The following MKNK2 variants were observed in gnomAD, a reference collection of about 807,000 sequenced individuals.
MKNK2 encodes the protein MAPK interacting serine/threonine kinase 2.
MKNK2 carries 54 observed loss-of-function variants against 55.0 expected under a neutral mutation model. The ratio of observed to expected loss-of-function variants is 0.98; its 90% CI spans 0.79 to 1.23. The LOEUF is 1.23. Among genes scored for constraint, MKNK2 ranks in the 50% most tolerant of loss-of-function variants. The probability of loss-of-function intolerance (pLI) is 0.00; values close to 1 mark genes in which losing one functional copy is unlikely to be tolerated. For synonymous variants in MKNK2, 323 were observed against 256.0 expected, an observed-to-expected ratio of 1.26 and a Z score of -2.50; for missense variants, 685 against 632.1, an observed-to-expected ratio of 1.08 and a Z score of -0.90.
chr19:2,044,695 G>T (rs2016961480), intron 5 of MKNK2, among the ~76,000 whole-genome samples: 1 of 152,238 alleles, frequency 6.6e-6, no homozygotes, highest in African/African-American at 2.4e-5. Flanking sequence ...CCAGCGAGGG[G>T]CAAGAGAACA....
In MKNK2 at chr19:2,039,675, G is replaced by T. The variant is rs1194881036; in HGVS notation, c.1336C>A (p.Gln446Lys). ...GACAGACTGGCCCTTTGCCGCCGCT[G>T]CGCCAGCTTGGACTGGGAGGGTGGA... Reference protein sequence around the residue: ...LSPPSQSKLAQRRQRASLSSA... With the variant: ...LSPPSQSKLAKRRQRASLSSA... Residue 446 changes from glutamine (Q) to lysine (K), a missense_variant, in exon 14 of 14, where the codon CAG (glutamine) becomes AAG (lysine). Physicochemically the swap from Gln to Lys is moderately conservative, Grantham distance 53. Coordinates refer to ENST00000250896, the MANE Select transcript of MKNK2 (RefSeq NM_199054.3). 6.2e-7 allele frequency: 1 copy of T among 1,613,144 alleles called. No homozygotes were observed. Among genetic ancestry groups the T allele is most frequent in the African/African-American group, 1.3e-5 (1 of 74,944 alleles).
At chr19:2,047,367 C>T (rs1377115118) in intron 2 of MKNK2, among the ~76,000 whole-genome samples, 1 of 152,190 alleles carries the variant, frequency 6.6e-6, no homozygotes, top group Non-Finnish European at 1.5e-5. Context: ...TGGGGAAGAC[C>T]TCCTCCCACC....
At chr19:2,043,256 G>T in intron 6 of MKNK2, 59 bp from the exon 7 acceptor site, 1 of 1,424,210 alleles carries the variant, frequency 7.0e-7, no homozygotes, top group Non-Finnish European at 9.9e-7. Context: ...CTGGGTACCT[G>T]CTGCCCGGCC....
At chr19:2,045,680 G>A (rs528804698) in intron 5 of MKNK2, among the ~76,000 whole-genome samples, 4 of 152,270 alleles carry the variant, frequency 2.6e-5, no homozygotes, top group South Asian at 4.1e-4. Context: ...GCCAGGTCAC[G>A]AGGGAAGCCT....
Position 2,042,628 on chromosome 19 carries a change from G to A in MKNK2, c.633C>T (p.Ile211=), listed in dbSNP as rs1188067643. The part of the protein sequence containing the change: ...IAHRDLKPEN[I]LCEHPNQVSP... Reference sequence around the variant, plus strand: ...CTACCTGGTTGGGGTGCTCACAGAGGATGTTTTCCGGCTTTAGGTCCCTGT... The same window carrying A: ...CTACCTGGTTGGGGTGCTCACAGAGAATGTTTTCCGGCTTTAGGTCCCTGT... The change falls in exon 9 of 14, where the codon ATC becomes ATT. Residue 211 remains isoleucine (I), a synonymous_variant. Coordinates refer to ENST00000250896, the MANE Select transcript of MKNK2 (RefSeq NM_199054.3). 7 of 1,564,802 alleles carry A rather than the reference G, an allele frequency of 4.5e-6. No homozygotes were observed. Among genetic ancestry groups the A allele is most frequent in the African/African-American group, 1.3e-5 (1 of 74,216 alleles).
Position 2,039,037 on chromosome 19 carries a change from GCTGCCTGCCACCTGC to G in MKNK2, c.*561_*575del. ...GGGATCCCATGGGGTGGGTGGGTGA[GCTGCCTGCCACCTGC>G]CTGCCTGACACCTCCAGAGACAGGC... On this transcript the variant is annotated 3_prime_UTR_variant, in exon 14 of 14. Transcript: ENST00000250896. 7 of 986,422 alleles carry G rather than the reference GCTGCCTGCCACCTGC, an allele frequency of 7.1e-6. No individual in the cohort carries two copies. Among genetic ancestry groups the G allele is most frequent in the Non-Finnish European group, 8.4e-6 (7 of 830,366 alleles). The allele number at this position is 986,422 out of a possible 1,614,324, so 61.1% of individuals were successfully genotyped here.
chr19:2,046,775 C>T (rs1219254475), intron 2 of MKNK2, 84 bp from the exon 3 acceptor site: 9 of 1,115,952 alleles, frequency 8.1e-6, no homozygotes, highest in African/African-American at 7.9e-5. Context: ...AGTGTCGCAG[C>T]GTCCACACTG....
intron 2 of MKNK2, 89 bp downstream of exon 2, chr19:2,050,712 G>C: frequency 7.8e-7 from 1 of 1,280,986 alleles, no homozygotes; most frequent in South Asian, 1.3e-5. Context: ...AGCCCCGGGA[G>C]CCGATCTTAG....
At position 2,037,872 on chromosome 19, in the gene MKNK2, C is replaced by G. The variant is rs765371228; in HGVS notation, c.*1741G>C. 1.3e-6 allele frequency: 2 copies of G among 1,545,512 alleles called. No homozygotes were observed. The highest frequency in any genetic ancestry group is 2.8e-5 in the African/African-American group (2 of 72,598). ...AAAACAAACAAACAAACGCTGCTAG[C>G]CACTCAGCTTTAGAGACCCGATGGC... is the stretch of plus-strand genomic sequence containing the variant. On this transcript the variant is annotated 3_prime_UTR_variant, in exon 14 of 14. Coordinates refer to ENST00000250896, the MANE Select transcript of MKNK2 (RefSeq NM_199054.3).
intron 11 of MKNK2, among the ~76,000 whole-genome samples, chr19:2,041,443 A>C (rs1394055249): frequency 6.6e-6 from 1 of 152,098 alleles, no homozygotes; most frequent in Non-Finnish European, 1.5e-5. Context: ...ACAGATGCTG[A>C]GCCTTAAGCC....
chr19:2,042,167 C>A, intron 10 of MKNK2, 133 bp from the exon 11 acceptor site: 1 of 886,886 alleles, frequency 1.1e-6, no homozygotes, highest in Non-Finnish European at 1.6e-6. Context: ...CAGCGGCTGC[C>A]GGGAACGCGC....
chr19:2,041,219 C>T lies in MKNK2; in HGVS notation c.946-15G>A, dbSNP rs764169797. 7.5e-6 allele frequency: 12 copies of T among 1,605,478 alleles called. No homozygotes were observed. The highest frequency in any genetic ancestry group is 1.7e-5 in the Admixed American group (1 of 59,668). On this transcript the variant is annotated splice_polypyrimidine_tract_variant and intron_variant, in intron 11 of 13. Coordinates refer to ENST00000250896, the MANE Select transcript of MKNK2 (RefSeq NM_199054.3). ...AACAGCATGTTCTGGGGACATAGAA[C>T]ACAGGGGAGCTTAGACCTGCCCAAG...
chr19:2,042,732 G>GA, intron 8 of MKNK2, 34 bp downstream of exon 8: 1 of 1,550,066 alleles, frequency 6.5e-7, no homozygotes, highest in South Asian at 1.2e-5. Flanking sequence ...TTGGCAGGCG[G>GA]CCCTAGGAGA....
At chr19:2,045,111 AGTGG>A (rs2016969692) in intron 5 of MKNK2, among the ~76,000 whole-genome samples, 1 of 152,124 alleles carries the variant, frequency 6.6e-6, no homozygotes, top group Non-Finnish European at 1.5e-5. Flanking sequence ...CCCGGACGTC[AGTGG>A]CCAACAACAC....
Position 2,039,413 on chromosome 19 carries a change from T to C in MKNK2, c.*200A>G. The C allele has an allele frequency of 1.4e-6, 2 of 1,391,372 alleles. No individual in the cohort carries two copies. Among genetic ancestry groups the C allele is most frequent in the Non-Finnish European group, 1.9e-6 (2 of 1,075,958 alleles). The allele number at this position is 1,391,372 out of a possible 1,614,324, so 86.2% of individuals were successfully genotyped here. A position where few individuals can be genotyped will look rare whatever the true frequency, so the allele number is the denominator to read the frequency against. On this transcript the variant is annotated 3_prime_UTR_variant, in exon 14 of 14. Transcript: ENST00000250896. ...GCTTTTAACCATCCAAAGGAAAAAA[T>C]AACGGGGAGGGGTGGAAACAGGAAA... is the stretch of plus-strand genomic sequence containing the variant.
chr19:2,042,152 C>G, intron 10 of MKNK2, 118 bp from the exon 11 acceptor site: 1 of 1,031,776 alleles, frequency 9.7e-7, no homozygotes, highest in Non-Finnish European at 1.3e-6. Context: ...CCGGGCCCGA[C>G]CAATCAGCGG....
Position 2,041,850 on chromosome 19 carries a change from G to A in MKNK2, c.935C>T (p.Pro312Leu). 3.3e-6 allele frequency: 5 copies of A among 1,530,624 alleles called. No individual in the cohort carries two copies. Among genetic ancestry groups the A allele is most frequent in the Admixed American group, 2.1e-5 (1 of 48,770 alleles). 94.8% of individuals were successfully genotyped at this position (1,530,624 alleles called of 1,614,324 possible). A position where few individuals can be genotyped will look rare whatever the true frequency, so the allele number is the denominator to read the frequency against. Residue 312 changes from proline (P) to leucine (L), a missense_variant, in exon 11 of 14, where the codon CCT becomes CTT. Physicochemically the swap from Pro to Leu is moderately conservative, Grantham distance 98. Coordinates refer to ENST00000250896, the MANE Select transcript of MKNK2 (RefSeq NM_199054.3). Reference protein sequence around the residue: ...DCGWDRGEACPACQNMLFESI... With the variant: ...DCGWDRGEACLACQNMLFESI... Reference sequence around the variant, plus strand: ...CGCGGGCCGCCGCACCTGGCAGGCAGGGCAGGCCTCGCCGCGGTCCCAGCC... The same window carrying A: ...CGCGGGCCGCCGCACCTGGCAGGCAAGGCAGGCCTCGCCGCGGTCCCAGCC...
intron 2 of MKNK2, among the ~76,000 whole-genome samples, chr19:2,047,823 C>T: frequency 6.6e-6 from 1 of 152,044 alleles, no homozygotes; most frequent in East Asian, 1.9e-4. Flanking sequence ...AAGGTGGGGG[C>T]TCTGCTTCCA....
intron 2 of MKNK2, 101 bp downstream of exon 2, chr19:2,050,700 C>T: frequency 8.5e-7 from 1 of 1,172,348 alleles, no homozygotes; most frequent in Non-Finnish European, 1.2e-6. Context: ...GGGCCAGGCA[C>T]GAGCCCCGGG....
Sources: allele counts gnomAD v4.1 joint callset (sites outside exome capture counted in the v4.1 genomes callset), GRCh38; gene constraint gnomAD v4.1.1; transcripts MANE v1.5; gene names NCBI Gene and HGNC (gene_info 2026-07-23, HGNC 2026-07-21).